MITF: variants seen among roughly 807,000 people sequenced by gnomAD.
MITF encodes microphthalmia-associated transcription factor.
In MITF, 17 loss-of-function variants were observed where a neutral mutation model predicts 60.5. The ratio of observed to expected loss-of-function variants is 0.28; its 90% CI spans 0.19 to 0.42. The LOEUF (loss-of-function observed/expected upper bound fraction) is 0.42. Among genes scored for constraint, MITF ranks in the 10% least tolerant of loss-of-function variants. The pLI is 1.00. For synonymous variants in MITF, 260 were observed against 248.5 expected (o/e 1.05, Z -0.43); for missense variants, 622 against 683.5 (o/e 0.91, Z 1.00).
At chr3:69,807,554 A>G (rs766063748) in intron 1 of MITF, among the ~76,000 whole-genome samples, 1 of 152,200 alleles carries the variant, frequency 6.6e-6, no homozygotes, top group Non-Finnish European at 1.5e-5. Flanking sequence ...TTCTTCTACA[A>G]CTATGGTTGA....
intron 1 of MITF, among the ~76,000 whole-genome samples, chr3:69,766,855 A>G (rs1006351433): frequency 3.9e-5 from 6 of 152,054 alleles, no homozygotes; most frequent in Non-Finnish European, 5.9e-5. Context: ...GGCTCCCATG[A>G]CTCACCGTAG....
intron 1 of MITF, among the ~76,000 whole-genome samples, chr3:69,809,497 C>G (rs1472874950): frequency 6.6e-6 from 1 of 152,086 alleles, no homozygotes; most frequent in East Asian, 1.9e-4. Context: ...TTGGGCCCAA[C>G]TGGTAGATCA....
At chr3:69,875,468 A>G (rs2064332506) in intron 1 of MITF, among the ~76,000 whole-genome samples, 1 of 152,214 alleles carries the variant, frequency 6.6e-6, no homozygotes, top group African/African-American at 2.4e-5. Context: ...GGCAATAACT[A>G]TTTGTTGAAT....
At chr3:69,797,910 C>T (rs1191615322) in intron 1 of MITF, among the ~76,000 whole-genome samples, 2 of 152,172 alleles carry the variant, frequency 1.3e-5, no homozygotes, top group East Asian at 1.9e-4. Flanking sequence ...AAGCAACGTA[C>T]ATTTTAGATG....
intron 1 of MITF, among the ~76,000 whole-genome samples, chr3:69,838,935 T>C (rs1471439121): frequency 6.6e-6 from 1 of 152,158 alleles, no homozygotes. Flanking sequence ...GCTGCAGCCC[T>C]TCATGAACCT....
chr3:69,841,479 A>T (rs2063635487), intron 1 of MITF, among the ~76,000 whole-genome samples: 1 of 152,252 alleles, frequency 6.6e-6, no homozygotes, highest in African/African-American at 2.4e-5. Flanking sequence ...TGTGCTATTT[A>T]TACAATTTAT....
At chr3:69,791,116 T>C (rs992195377) in intron 1 of MITF, among the ~76,000 whole-genome samples, 5 of 152,256 alleles carry the variant, frequency 3.3e-5, no homozygotes, top group African/African-American at 1.2e-4. Context: ...CCATTTTGCG[T>C]ACAGCAAATG....
At chr3:69,759,121 C>A (rs1325811350) in intron 1 of MITF, among the ~76,000 whole-genome samples, 2 of 152,186 alleles carry the variant, frequency 1.3e-5, no homozygotes, top group East Asian at 3.9e-4. Flanking sequence ...TAGGGAAATA[C>A]AGGATAAGTT....
chr3:69,812,033 T>G (rs969618847), intron 1 of MITF, among the ~76,000 whole-genome samples: 3 of 152,200 alleles, frequency 2.0e-5, no homozygotes, highest in Admixed American at 6.5e-5. Context: ...CTTCCTTCAG[T>G]GGGTTTCTGT....
intron 1 of MITF, among the ~76,000 whole-genome samples, chr3:69,751,115 A>G (rs1258753710): frequency 2.0e-5 from 3 of 152,192 alleles, no homozygotes; most frequent in African/African-American, 7.2e-5. Context: ...CTTGAAGCAT[A>G]CTGCAGTCAC....
At chr3:69,806,095 T>G (rs1007855304) in intron 1 of MITF, among the ~76,000 whole-genome samples, 1 of 151,950 alleles carries the variant, frequency 6.6e-6, no homozygotes, top group African/African-American at 2.4e-5. Flanking sequence ...CAATTTTTTT[T>G]TTTTTTTGAG....
intron 1 of MITF, among the ~76,000 whole-genome samples, chr3:69,826,720 T>A (rs1481191289): frequency 6.6e-6 from 1 of 152,164 alleles, no homozygotes; most frequent in South Asian, 2.1e-4. Flanking sequence ...TGGAATAAAA[T>A]GATGGATACT....
At chr3:69,839,583 T>C (rs1264013942) in intron 1 of MITF, among the ~76,000 whole-genome samples, 4 of 152,054 alleles carry the variant, frequency 2.6e-5, no homozygotes, top group Non-Finnish European at 5.9e-5. Context: ...ATCGGCTGGT[T>C]GAGCTGTCCT....
intron 1 of MITF, among the ~76,000 whole-genome samples, chr3:69,857,430 A>G (rs1267034086): frequency 6.6e-6 from 1 of 152,158 alleles, no homozygotes; most frequent in East Asian, 1.9e-4. Context: ...AATATGAGAT[A>G]CAGTTATCAG....
chr3:69,820,491 A>G (rs1384194949), intron 1 of MITF, among the ~76,000 whole-genome samples: 1 of 152,186 alleles, frequency 6.6e-6, no homozygotes, highest in Non-Finnish European at 1.5e-5. Flanking sequence ...TTGTAAAAGA[A>G]ATTTCTAGAA....
At chr3:69,805,938 G>C (rs2062998573) in intron 1 of MITF, among the ~76,000 whole-genome samples, 1 of 152,094 alleles carries the variant, frequency 6.6e-6, no homozygotes, top group Non-Finnish European at 1.5e-5. Context: ...TGGGATTATA[G>C]GTATGAGCCA....
chr3:69,966,190 C>T lies in MITF; in HGVS notation c.*942C>T, dbSNP rs1294998813. 1 of 232,188 alleles carries T rather than the reference C, an allele frequency of 4.3e-6. No individual in the cohort carries two copies. The highest frequency in any genetic ancestry group is 2.2e-5 in the African/African-American group (1 of 45,176). 14.4% of individuals were successfully genotyped at this position (232,188 alleles called of 1,614,324 possible). A position where few individuals can be genotyped will look rare whatever the true frequency, so the allele number is the denominator to read the frequency against. ...TTGATTTGTACAGATTCTTTATTAT[C>T]ATTGTTCTTTTCAATATATTTGTAT... On this transcript the variant is annotated 3_prime_UTR_variant, in exon 10 of 10. Transcript: ENST00000352241.
At chr3:69,805,666 T>G (rs910277583) in intron 1 of MITF, among the ~76,000 whole-genome samples, 1 of 151,326 alleles carries the variant, frequency 6.6e-6, no homozygotes, top group Non-Finnish European at 1.5e-5. Flanking sequence ...AATGCATCTT[T>G]CTTTTTTTAA....
intron 2 of MITF, among the ~76,000 whole-genome samples, chr3:69,899,658 T>G (rs573939688): frequency 9.2e-5 from 14 of 152,288 alleles, no homozygotes; most frequent in Middle Eastern, 3.4e-3. Flanking sequence ...ATATAACTTA[T>G]GCCTGCCTTG....
Sources: allele counts gnomAD v4.1 joint callset (sites outside exome capture counted in the v4.1 genomes callset), GRCh38; gene constraint gnomAD v4.1.1; transcripts MANE v1.5; gene names NCBI Gene and HGNC (gene_info 2026-07-23, HGNC 2026-07-21).